Variants in PLD5 observed in about 807,000 individuals in gnomAD.
PLD5 encodes inactive phospholipase D5.
In PLD5, 36 loss-of-function variants were observed where a neutral mutation model predicts 61.1. The observed-to-expected ratio is 0.59, with a 90% CI of 0.45 to 0.78. PLD5 has a LOEUF of 0.78. Ranked by LOEUF, PLD5 falls within the 30% of genes least tolerant of loss-of-function variation. PLD5 has a pLI of 0.00. For synonymous variants in PLD5, 243 were observed against 242.8 expected (o/e 1.00, Z -0.01); for missense variants, 515 against 644.4 (o/e 0.80, Z 2.17).
rs2102921729 is a variant in PLD5, at chr1:242,449,482, C to A, written c.189+74606G>T. 3.3e-6 allele frequency: 5 copies of A among 1,527,964 alleles called. No homozygotes were observed. In the East Asian group the frequency reaches 7.4e-5, roughly 23 times the overall value. 94.7% of individuals were successfully genotyped at this position (1,527,964 alleles called of 1,614,324 possible). A position where few individuals can be genotyped will look rare whatever the true frequency, so the allele number is the denominator to read the frequency against. On this transcript the variant is annotated intron_variant, in intron 1 of 9. Transcript: ENST00000536534. ...GTTTCATGTGGCACAAACGTATCAC[C>A]ACCGATTACATTTCAGTCCCTCAAT...
intron 1 of PLD5, among the ~76,000 whole-genome samples, chr1:242,512,866 T>C (rs1668973597): frequency 1.5e-5 from 1 of 65,236 alleles, no homozygotes; most frequent in African/African-American, 5.9e-5. Flanking sequence ...TGAATTCTTT[T>C]TTATTTTTTC....
At chr1:242,156,311 C>T (rs928226460) in intron 5 of PLD5, among the ~76,000 whole-genome samples, 1 of 152,140 alleles carries the variant, frequency 6.6e-6, no homozygotes, top group Non-Finnish European at 1.5e-5. Flanking sequence ...ATCCAATTTG[C>T]CAGTCTGTGT....
At chr1:242,350,196 A>G (rs1660395301) in intron 1 of PLD5, among the ~76,000 whole-genome samples, 2 of 152,184 alleles carry the variant, frequency 1.3e-5, no homozygotes. Context: ...CCCAGCCTCC[A>G]AAACTGTGAG....
intron 4 of PLD5, among the ~76,000 whole-genome samples, chr1:242,261,852 C>G (rs747958270): frequency 6.6e-6 from 1 of 152,166 alleles, no homozygotes; most frequent in Non-Finnish European, 1.5e-5. Flanking sequence ...GTGGAGCAAA[C>G]AGAACATTAA....
At chr1:242,321,309 C>T (rs76938971) in intron 2 of PLD5, among the ~76,000 whole-genome samples, 63 of 144,344 alleles carry the variant, frequency 4.4e-4, no homozygotes, top group Non-Finnish European at 7.0e-4. Context: ...CTCTCTCTCT[C>T]TTTTTTTTTT....
intron 1 of PLD5, among the ~76,000 whole-genome samples, chr1:242,378,803 T>C (rs928563401): frequency 6.6e-6 from 1 of 151,762 alleles, no homozygotes; most frequent in Non-Finnish European, 1.5e-5. Flanking sequence ...ATCACACCAC[T>C]GCACTCCAAT....
At chr1:242,494,863 A>ATTTTT (rs761097854) in intron 1 of PLD5, among the ~76,000 whole-genome samples, 1 of 109,328 alleles carries the variant, frequency 9.1e-6, no homozygotes, top group Non-Finnish European at 1.9e-5. Context: ...ACAACCCCCA[A>ATTTTT]TTTTTTTTTC....
chr1:242,174,980 A>G (rs1667027838), intron 5 of PLD5, among the ~76,000 whole-genome samples: 2 of 152,170 alleles, frequency 1.3e-5, no homozygotes, highest in Admixed American at 1.3e-4. Context: ...AACATGGCAC[A>G]TGTATACATA....
In PLD5 at chr1:242,087,024, G is replaced by A. The variant is rs985196291; in HGVS notation, c.*2830C>T. 3 of 152,162 alleles carry A rather than the reference G, an allele frequency of 2.0e-5. No homozygotes were observed. Among genetic ancestry groups the A allele is most frequent in the African/African-American group, 7.2e-5 (3 of 41,430 alleles). 9.4% of individuals were successfully genotyped at this position (152,162 alleles called of 1,614,324 possible). The stretch of plus-strand genomic sequence containing the variant: ...GGAGGTTGATAGTTTGTTTAGCACA[G>A]AAACAAGTCTAAAAGAAAGGAAAGC... On this transcript the variant is annotated 3_prime_UTR_variant, in exon 10 of 10. Coordinates refer to ENST00000536534, the MANE Select transcript of PLD5 (RefSeq NM_001372062.1).
In PLD5 at chr1:242,217,963, T is replaced by C. The variant is rs147666715; in HGVS notation, c.735+2025A>G. ...AAGGATTTAGAATATTACATAAACT[T>C]AGTTGATAAAGCAGTGGAAGGGATT... On this transcript the variant is annotated intron_variant, in intron 5 of 9. Transcript: ENST00000536534. 4.3e-3 allele frequency among the ~76,000 whole-genome samples: 648 copies of C among 152,304 alleles called. 4 individuals carry two copies. The highest frequency in any genetic ancestry group is 0.015 in the African/African-American group (606 of 41,556).
chr1:242,291,436 G>A (rs1289251149), intron 2 of PLD5, among the ~76,000 whole-genome samples: 4 of 152,186 alleles, frequency 2.6e-5, no homozygotes, highest in Non-Finnish European at 4.4e-5. Flanking sequence ...GTATAATTGT[G>A]CACAGTGAGT....
intron 4 of PLD5, among the ~76,000 whole-genome samples, chr1:242,241,539 C>A (rs1409702798): frequency 6.8e-6 from 1 of 147,726 alleles, no homozygotes; most frequent in Admixed American, 6.7e-5. Context: ...GTTAGTAGTT[C>A]TGGGTAGTGC....
At chr1:242,107,459 G>A (rs1238688416) in intron 8 of PLD5, among the ~76,000 whole-genome samples, 2 of 151,120 alleles carry the variant, frequency 1.3e-5, no homozygotes, top group Non-Finnish European at 1.5e-5. Flanking sequence ...CAGAAAGTGA[G>A]AAGAGGGCTG....
intron 1 of PLD5, among the ~76,000 whole-genome samples, chr1:242,518,471 A>G (rs556498438): frequency 2.6e-5 from 4 of 152,324 alleles, no homozygotes; most frequent in African/African-American, 9.6e-5. Context: ...CTGTCTAACT[A>G]TGCCATCTAT....
intron 1 of PLD5, among the ~76,000 whole-genome samples, chr1:242,382,309 G>A (rs931026092): frequency 6.6e-6 from 1 of 152,004 alleles, no homozygotes; most frequent in African/African-American, 2.4e-5. Context: ...TGATATTGTG[G>A]GACTAAAAGA....
At chr1:242,417,061 G>A (rs1258678531) in intron 1 of PLD5, among the ~76,000 whole-genome samples, 1 of 152,180 alleles carries the variant, frequency 6.6e-6, no homozygotes, top group Non-Finnish European at 1.5e-5. Context: ...TAGCCCAAAA[G>A]AGTTATAATT....
At chr1:242,338,779 A>G (rs1558477910) in intron 2 of PLD5, among the ~76,000 whole-genome samples, 2 of 152,196 alleles carry the variant, frequency 1.3e-5, no homozygotes, top group African/African-American at 4.8e-5. Flanking sequence ...TCTGAATCTT[A>G]CTGGATTCAA....
At chr1:242,348,842 C>G (rs1327433240) in intron 1 of PLD5, among the ~76,000 whole-genome samples, 2 of 152,120 alleles carry the variant, frequency 1.3e-5, no homozygotes, top group South Asian at 2.1e-4. Context: ...ATCATGAGGT[C>G]AGGAGATCAA....
chr1:242,165,651 A>T (rs1666256095), intron 5 of PLD5, among the ~76,000 whole-genome samples: 1 of 152,210 alleles, frequency 6.6e-6, no homozygotes, highest in African/African-American at 2.4e-5. Context: ...TTATAATTTT[A>T]TGTTGCCTTG....
Sources: allele counts gnomAD v4.1 joint callset (sites outside exome capture counted in the v4.1 genomes callset), GRCh38; gene constraint gnomAD v4.1.1; transcripts MANE v1.5; gene names NCBI Gene and HGNC (gene_info 2026-07-23, HGNC 2026-07-21).